Variants in INCA1 observed in about 807,000 individuals in gnomAD.
INCA1 encodes the protein protein INCA1.
Under a neutral mutation model 25.7 loss-of-function variants are expected in INCA1, and 28 were observed. The ratio of observed to expected loss-of-function variants is 1.09; its 90% CI spans 0.81 to 1.49. The LOEUF (loss-of-function observed/expected upper bound fraction) is 1.49. Ranked by LOEUF, INCA1 falls within the 40% of genes most tolerant of loss-of-function variation. INCA1 has a pLI of 0.00. For missense variants in INCA1, 309 were observed against 290.9 expected, an observed-to-expected ratio of 1.06 and a Z score of -0.45; for synonymous variants, 111 against 103.6, an observed-to-expected ratio of 1.07 and a Z score of -0.43.
chr17:4,994,300 G>A (rs1047544351), intron 2 of INCA1, 94 bp downstream of exon 2: 69 of 1,164,676 alleles, frequency 5.9e-5, no homozygotes, highest in East Asian at 3.8e-4. Flanking sequence ...TGCATTTCCC[G>A]TTCTTTATTT....
At position 4,990,245 on chromosome 17, in the gene INCA1, CGG is replaced by C. The variant is rs780260857; in HGVS notation, c.63_64del (p.Ser21ArgfsTer28). 6.2e-7 allele frequency: 1 copy of C among 1,613,770 alleles called. No homozygotes were observed. Among genetic ancestry groups the C allele is most frequent in the African/African-American group, 1.3e-5 (1 of 75,006 alleles). On this transcript the variant is annotated frameshift_variant, in exon 3 of 7. Coordinates refer to ENST00000576820, the Ensembl canonical transcript of INCA1. LOFTEE classifies it high-confidence loss of function. ...GGAAGGCAACCTTGGGGGTGGAGATCGGCTGACCACCCTGGAACACCTGAGGT... is the reference window on the plus strand; with the variant it reads ...GGAAGGCAACCTTGGGGGTGGAGATCCTGACCACCCTGGAACACCTGAGGT...
intron 1 of INCA1, among the ~76,000 whole-genome samples, chr17:4,994,885 G>A (rs1974130029): frequency 6.6e-6 from 1 of 151,466 alleles, no homozygotes; most frequent in African/African-American, 2.4e-5. Flanking sequence ...AGAATGTATG[G>A]ATGCTGAAAA....
chr17:4,990,011 C>T (rs1366030023), intron 3 of INCA1, 82 bp from the exon 4 acceptor site: 1 of 1,611,868 alleles, frequency 6.2e-7, no homozygotes, highest in East Asian at 2.2e-5. Flanking sequence ...CTCCCGACCT[C>T]CTTTCTGTCA....
At chr17:4,989,308 A>G (rs113318176) in intron 5 of INCA1, 120 bp downstream of exon 5, 48,873 of 859,222 alleles carry the variant, frequency 0.057, 2,294 homozygotes, top group East Asian at 0.22. Context: ...CTTCCAAGCA[A>G]CCTCCCCTCA....
At chr17:4,990,838 G>A (rs112285136) in intron 2 of INCA1, among the ~76,000 whole-genome samples, 62,331 of 148,610 alleles carry the variant, frequency 0.42, 14,166 homozygotes, top group Non-Finnish European at 0.53. Flanking sequence ...AGTCGAAATC[G>A]CGCCATTGCA....
intron 1 of INCA1, among the ~76,000 whole-genome samples, chr17:4,994,712 C>G (rs1353817348): frequency 6.8e-6 from 1 of 147,002 alleles, no homozygotes; most frequent in African/African-American, 2.5e-5. Flanking sequence ...ATCGCTTGAA[C>G]CTGGGAGGCG....
chr17:4,990,021 A>G (rs1973747597), intron 3 of INCA1, 92 bp from the exon 4 acceptor site: 2 of 1,612,104 alleles, frequency 1.2e-6, no homozygotes, highest in South Asian at 1.1e-5. Flanking sequence ...CCTTTCTGTC[A>G]TTAGGAGCTA....
At chr17:4,992,622 C>T (rs1375108078) in intron 2 of INCA1, among the ~76,000 whole-genome samples, 1 of 147,046 alleles carries the variant, frequency 6.8e-6, no homozygotes, top group African/African-American at 2.5e-5. Context: ...TTCTTCCTCT[C>T]CTCCCCTCTC....
exon 4 of INCA1, chr17:4,989,928 G>A (rs989947881): frequency 1.2e-5 from 20 of 1,614,058 alleles, no homozygotes; most frequent in Non-Finnish European, 1.6e-5. Flanking sequence ...AGCCAAGTGG[G>A]GCTGTGAAGA....
At chr17:4,989,321 GCTCCCCTCAAAC>G (rs1226691418) in intron 5 of INCA1, 95 bp downstream of exon 5, 31 of 1,047,698 alleles carry the variant, frequency 3.0e-5, no homozygotes, top group Non-Finnish European at 4.3e-5. Context: ...TCCCCTCAAA[GCTCCCCTCAAAC>G]CTCCCCTCAA....
intron 4 of INCA1, 91 bp downstream of exon 4, chr17:4,989,797 CAG>C: frequency 6.3e-7 from 1 of 1,592,624 alleles, no homozygotes. Flanking sequence ...TGGGGAATAA[CAG>C]AGGGAAGCGG....
chr17:4,995,233 G>A (rs896812146), intron 1 of INCA1, among the ~76,000 whole-genome samples: 3 of 152,004 alleles, frequency 2.0e-5, no homozygotes, highest in African/African-American at 7.3e-5. Context: ...TTGTAGTGCT[G>A]GACTGTTAAT....
Position 4,992,145 on chromosome 17 carries a change from G to C in INCA1, c.45-1880C>G, listed in dbSNP as rs189296319. On this transcript the variant is annotated intron_variant, in intron 2 of 6. Transcript: ENST00000576820. ...GATAATTATTGAAGCTGACTGAAAA[G>C]GGTACATGGGGTTCATGATACTATT... Among the ~76,000 whole-genome samples the C allele has an allele frequency of 3.2e-3, 491 of 152,282 alleles. 2 individuals are homozygous for C. Among genetic ancestry groups the C allele is most frequent in the African/African-American group, 0.011 (450 of 41,560 alleles).
chr17:4,989,163 A>G (rs1229329961), intron 5 of INCA1, among the ~76,000 whole-genome samples: 1 of 152,074 alleles, frequency 6.6e-6, no homozygotes, highest in Non-Finnish European at 1.5e-5. Context: ...CTCCAGTTCT[A>G]TGGTTTGCTT....
At chr17:4,988,214 C>T (rs1973497972) in exon 7 of INCA1, 1 of 537,130 alleles carries the variant, frequency 1.9e-6, no homozygotes, top group Non-Finnish European at 3.2e-6. Flanking sequence ...TTGGGGTGCT[C>T]CTGTGAGAGC....
chr17:4,988,523 T>G, exon 7 of INCA1: 1 of 1,613,728 alleles, frequency 6.2e-7, no homozygotes, highest in South Asian at 1.1e-5. Flanking sequence ...AGCCTCCTCC[T>G]GATCCAGGGG....
At chr17:4,993,766 C>CCTTT (rs1567712185) in intron 2 of INCA1, among the ~76,000 whole-genome samples, 9 of 138,794 alleles carry the variant, frequency 6.5e-5, no homozygotes, top group Non-Finnish European at 1.2e-4. Flanking sequence ...CCGTGCCTGG[C>CCTTT]CTTTTTTTTT....
chr17:4,995,146 A>G (rs569305812), intron 1 of INCA1, among the ~76,000 whole-genome samples: 1 of 152,048 alleles, frequency 6.6e-6, no homozygotes, highest in African/African-American at 2.4e-5. Context: ...AGGAAGTTGC[A>G]GTGAGCTGAA....
At chr17:4,993,068 C>T (rs147540714) in intron 2 of INCA1, among the ~76,000 whole-genome samples, 9 of 148,974 alleles carry the variant, frequency 6.0e-5, no homozygotes, top group East Asian at 2.0e-4. Flanking sequence ...TTAGTAGAGA[C>T]GAGGTTTCAC....
Sources: gnomAD v4.1 joint callset for allele counts (sites outside exome capture counted in the v4.1 genomes callset) on GRCh38, gnomAD v4.1.1 for gene constraint, MANE v1.5 for transcripts, NCBI Gene and HGNC (gene_info 2026-07-23, HGNC 2026-07-21) for gene names.